Variants in ERBB4 observed in about 807,000 individuals in gnomAD.
ERBB4 encodes the protein erb-b2 receptor tyrosine kinase 4.
A neutral mutation model predicts 158.0 loss-of-function variants in ERBB4; 42 were observed. The observed-to-expected ratio is 0.27, with a 90% confidence interval of 0.21 to 0.34. The LOEUF is 0.34. ERBB4 is among the 10% of genes least tolerant of loss of function. The probability of loss-of-function intolerance (pLI) is 1.00; values close to 1 mark genes in which losing one functional copy is unlikely to be tolerated. For synonymous variants in ERBB4, 583 were observed against 558.7 expected (o/e 1.04, Z -0.61); for missense variants, 1,333 against 1,624.1 (o/e 0.82, Z 3.08).
At chr2:212,423,555 C>T (rs2091844585) in intron 1 of ERBB4, among the ~76,000 whole-genome samples, 1 of 152,098 alleles carries the variant, frequency 6.6e-6, no homozygotes, top group African/African-American at 2.4e-5. Context: ...TTATTTTTAT[C>T]TACATATAAG....
chr2:212,449,746 C>T (rs908945948), intron 1 of ERBB4, among the ~76,000 whole-genome samples: 1 of 152,068 alleles, frequency 6.6e-6, no homozygotes, highest in Non-Finnish European at 1.5e-5. Context: ...TGAAAAATGA[C>T]ATTCATAGGT....
At chr2:211,648,318 C>T (rs535934837) in intron 16 of ERBB4, among the ~76,000 whole-genome samples, 2 of 151,788 alleles carry the variant, frequency 1.3e-5, no homozygotes, top group East Asian at 3.9e-4. Flanking sequence ...ATATCACATA[C>T]TCATTTATAA....
intron 2 of ERBB4, among the ~76,000 whole-genome samples, chr2:212,073,205 C>G (rs2078176899): frequency 6.6e-6 from 1 of 151,890 alleles, no homozygotes; most frequent in Admixed American, 6.6e-5. Flanking sequence ...AATTGTAGAT[C>G]ACGTTCAAGT....
chr2:212,208,712 A>G (rs1352343442), intron 1 of ERBB4, among the ~76,000 whole-genome samples: 2 of 152,254 alleles, frequency 1.3e-5, no homozygotes, highest in East Asian at 3.9e-4. Context: ...GCAAGGAGAA[A>G]CTGCCAAAGG....
chr2:211,731,420 G>C (rs2074422940), intron 5 of ERBB4, among the ~76,000 whole-genome samples: 1 of 152,010 alleles, frequency 6.6e-6, no homozygotes, highest in Non-Finnish European at 1.5e-5. Context: ...TTACATACTT[G>C]GAGGTTTGAA....
chr2:211,604,091 T>C (rs1372739187), intron 19 of ERBB4, among the ~76,000 whole-genome samples: 2 of 152,246 alleles, frequency 1.3e-5, no homozygotes, highest in East Asian at 1.9e-4. Context: ...TTGAGTCTTG[T>C]AGTCTAACAT....
intron 20 of ERBB4, among the ~76,000 whole-genome samples, chr2:211,501,731 C>T (rs2065622105): frequency 6.6e-6 from 1 of 151,974 alleles, no homozygotes. Context: ...TTTAATTGTG[C>T]TATTACAATT....
At chr2:211,430,743 GTATATATATATGTGTGTGTATATGA>G (rs1353461485) in intron 21 of ERBB4, among the ~76,000 whole-genome samples, 177 bp downstream of exon 21, 7 of 151,030 alleles carry the variant, frequency 4.6e-5, no homozygotes, top group Non-Finnish European at 7.4e-5. Flanking sequence ...GTAATATATG[GTATATATATATGTGTGTGTATATGA>G]TATATATATA....
intron 3 of ERBB4, among the ~76,000 whole-genome samples, chr2:211,797,056 T>G (rs571885650): frequency 2.1e-4 from 32 of 151,966 alleles, no homozygotes; most frequent in Non-Finnish European, 2.1e-4. Flanking sequence ...CAACCAAAGG[T>G]ATATAAAAAG....
At chr2:211,803,385 A>G (rs2076543263) in intron 3 of ERBB4, among the ~76,000 whole-genome samples, 1 of 152,234 alleles carries the variant, frequency 6.6e-6, no homozygotes, top group Non-Finnish European at 1.5e-5. Context: ...CCAGAAGATA[A>G]TAAACTCTAC....
At chr2:212,204,583 G>A (rs903210724) in intron 1 of ERBB4, among the ~76,000 whole-genome samples, 1 of 151,444 alleles carries the variant, frequency 6.6e-6, no homozygotes, top group Non-Finnish European at 1.5e-5. Context: ...TTTAGTCCCC[G>A]CTACTTGAGA....
intron 2 of ERBB4, among the ~76,000 whole-genome samples, chr2:212,046,447 G>A (rs1345586726): frequency 1.3e-5 from 2 of 152,176 alleles, no homozygotes; most frequent in Non-Finnish European, 2.9e-5. Flanking sequence ...TAAGTTAAAT[G>A]TGTGCAGTTT....
chr2:211,978,129 G>A (rs1454206501), intron 2 of ERBB4, among the ~76,000 whole-genome samples: 1 of 151,408 alleles, frequency 6.6e-6, no homozygotes, highest in Non-Finnish European at 1.5e-5. Context: ...ATGGTCCCTG[G>A]GCACCAGAAT....
intron 3 of ERBB4, among the ~76,000 whole-genome samples, chr2:211,939,034 T>A (rs1156368698): frequency 6.6e-6 from 1 of 152,160 alleles, no homozygotes; most frequent in Non-Finnish European, 1.5e-5. Context: ...ATTTACAATA[T>A]TGTTGTATTG....
chr2:212,052,829 C>A (rs988369888), intron 2 of ERBB4, among the ~76,000 whole-genome samples: 1 of 152,168 alleles, frequency 6.6e-6, no homozygotes, highest in African/African-American at 2.4e-5. Flanking sequence ...TCTTCTCCTG[C>A]TATATAAATA....
intron 13 of ERBB4, among the ~76,000 whole-genome samples, chr2:211,677,547 G>A (rs973780488): frequency 2.0e-5 from 3 of 147,712 alleles, no homozygotes; most frequent in Admixed American, 1.4e-4. Flanking sequence ...TGGGCAACAG[G>A]AGCAAAACTT....
chr2:211,627,419 C>T (rs1313060708), intron 17 of ERBB4, among the ~76,000 whole-genome samples: 4 of 152,210 alleles, frequency 2.6e-5, no homozygotes, highest in Non-Finnish European at 2.9e-5. Flanking sequence ...CTTTATTTTG[C>T]TTGAACATGT....
At chr2:211,522,757 T>A (rs4474825) in intron 20 of ERBB4, among the ~76,000 whole-genome samples, 5,332 of 152,146 alleles carry the variant, frequency 0.035, 301 homozygotes, top group African/African-American at 0.12. Flanking sequence ...GATCATTCTC[T>A]TTTTTTAGCA....
intron 2 of ERBB4, among the ~76,000 whole-genome samples, chr2:212,040,744 G>A (rs2077122248): frequency 6.6e-6 from 1 of 152,004 alleles, no homozygotes; most frequent in Non-Finnish European, 1.5e-5. Context: ...TGGCCTTCAG[G>A]CTGTTTGTGA....
Sources: gnomAD v4.1 joint callset for allele counts (sites outside exome capture counted in the v4.1 genomes callset) on GRCh38, gnomAD v4.1.1 for gene constraint, MANE v1.5 for transcripts, NCBI Gene and HGNC (gene_info 2026-07-23, HGNC 2026-07-21) for gene names.